Variants in FOXP2 observed in about 807,000 individuals in gnomAD.
FOXP2 encodes forkhead box protein P2.
In FOXP2, 12 loss-of-function variants were observed where a neutral mutation model predicts 115.8. The ratio of observed to expected loss-of-function variants is 0.10; its 90% CI spans 0.07 to 0.17. The LOEUF (loss-of-function observed/expected upper bound fraction) is 0.17, where lower values mean the gene tolerates loss of function less well. Ranked by LOEUF, FOXP2 falls within the 10% of genes least tolerant of loss-of-function variation. The probability of loss-of-function intolerance (pLI) is 1.00; values close to 1 mark genes in which losing one functional copy is unlikely to be tolerated. For synonymous variants in FOXP2, 328 were observed against 297.7 expected (o/e 1.10, Z -1.05); for missense variants, 629 against 843.5 (o/e 0.75, Z 3.15).
At chr7:114,602,547 T>C (rs1028241591) in intron 3 of FOXP2, among the ~76,000 whole-genome samples, 1 of 152,062 alleles carries the variant, frequency 6.6e-6, no homozygotes. Context: ...CAGTTTTCTG[T>C]GGTTTATTAT....
rs562892862 is a variant in FOXP2, at chr7:114,133,214, A to T, written c.-246-29730A>T. 2.0e-5 allele frequency among the ~76,000 whole-genome samples: 3 copies of T among 152,304 alleles called. No homozygotes were observed. In the East Asian group the frequency reaches 5.8e-4, roughly 29 times the overall value. On this transcript the variant is annotated intron_variant, in intron 1 of 19. Coordinates refer to the FOXP2 transcript ENST00000635638. The stretch of plus-strand genomic sequence containing the variant: ...GGTAAGGAGGACTTAGGGGTTTTGA[A>T]CTGAAAACTGGCAGGATAATACTTC...
intron 2 of FOXP2, among the ~76,000 whole-genome samples, chr7:114,352,591 T>G (rs1791519787): frequency 6.6e-6 from 1 of 152,194 alleles, no homozygotes; most frequent in African/African-American, 2.4e-5. Flanking sequence ...TAGAAGCCCT[T>G]GATTAAAGTG....
intron 2 of FOXP2, among the ~76,000 whole-genome samples, chr7:114,507,137 A>G (rs1300358223): frequency 6.6e-6 from 1 of 151,768 alleles, no homozygotes; most frequent in Non-Finnish European, 1.5e-5. Flanking sequence ...ATTCTTCTGA[A>G]ATTAGATTCT....
chr7:114,470,452 G>A (rs1795996472), intron 2 of FOXP2, among the ~76,000 whole-genome samples: 1 of 152,034 alleles, frequency 6.6e-6, no homozygotes, highest in Non-Finnish European at 1.5e-5. Flanking sequence ...ATGATTATAT[G>A]TTATTTGTGT....
At chr7:114,305,013 A>G (rs1401960372) in intron 2 of FOXP2, among the ~76,000 whole-genome samples, 1 of 152,182 alleles carries the variant, frequency 6.6e-6, no homozygotes, top group Non-Finnish European at 1.5e-5. Context: ...GTATTATTCT[A>G]GATCTTTTAA....
At chr7:114,190,539 A>G (rs1189327203) in intron 1 of FOXP2, among the ~76,000 whole-genome samples, 1 of 152,178 alleles carries the variant, frequency 6.6e-6, no homozygotes, top group Non-Finnish European at 1.5e-5. Context: ...CTGGGCCTTC[A>G]TCTTGCAGAT....
At chr7:114,346,114 TATG>T (rs1353064100) in intron 2 of FOXP2, among the ~76,000 whole-genome samples, 1 of 151,870 alleles carries the variant, frequency 6.6e-6, no homozygotes, top group Non-Finnish European at 1.5e-5. Flanking sequence ...TTTAAGCAAT[TATG>T]ATGTAGACAG....
At chr7:114,401,413 T>A (rs116106691) in intron 2 of FOXP2, among the ~76,000 whole-genome samples, 1 of 152,160 alleles carries the variant, frequency 6.6e-6, no homozygotes, top group Non-Finnish European at 1.5e-5. Context: ...ATAAAAGTTA[T>A]CTCCTACTTG....
At chr7:114,485,305 A>G (rs1384164080) in intron 2 of FOXP2, among the ~76,000 whole-genome samples, 1 of 152,028 alleles carries the variant, frequency 6.6e-6, no homozygotes, top group Non-Finnish European at 1.5e-5. Flanking sequence ...AATTGTAAGC[A>G]TAAAACTTCA....
intron 2 of FOXP2, among the ~76,000 whole-genome samples, chr7:114,309,195 A>G (rs1283286520): frequency 6.6e-6 from 1 of 152,168 alleles, no homozygotes; most frequent in East Asian, 1.9e-4. Context: ...TATAAAATAC[A>G]CTGGTTTCCT....
chr7:114,200,256 G>T (rs1296894439), intron 1 of FOXP2, among the ~76,000 whole-genome samples: 4 of 152,224 alleles, frequency 2.6e-5, no homozygotes, highest in African/African-American at 7.2e-5. Context: ...AGGAGAGGTT[G>T]CTGGCAGGAT....
At chr7:114,297,889 T>A (rs1248162188) in intron 2 of FOXP2, among the ~76,000 whole-genome samples, 1 of 152,208 alleles carries the variant, frequency 6.6e-6, no homozygotes, top group South Asian at 2.1e-4. Flanking sequence ...CCAATATTTT[T>A]AAAATAATGC....
At chr7:114,204,601 A>C (rs1221919523) in intron 1 of FOXP2, among the ~76,000 whole-genome samples, 1 of 152,210 alleles carries the variant, frequency 6.6e-6, no homozygotes, top group Non-Finnish European at 1.5e-5. Flanking sequence ...GTTGTAAAAC[A>C]AAACAAAACA....
intron 16 of FOXP2, among the ~76,000 whole-genome samples, chr7:114,685,981 TA>T (rs955554068): frequency 4.0e-5 from 6 of 148,722 alleles, no homozygotes; most frequent in Admixed American, 1.3e-4. Flanking sequence ...TTTTTTTTTT[TA>T]AAAAAAAAGC....
chr7:114,317,377 G>T (rs986089649), intron 2 of FOXP2, among the ~76,000 whole-genome samples: 6 of 152,216 alleles, frequency 3.9e-5, no homozygotes, highest in Non-Finnish European at 8.8e-5. Context: ...GGGATGGTAA[G>T]TGACACAGTG....
At chr7:114,643,683 T>A (rs1050812550) in intron 7 of FOXP2, among the ~76,000 whole-genome samples, 1 of 152,186 alleles carries the variant, frequency 6.6e-6, no homozygotes, top group African/African-American at 2.4e-5. Flanking sequence ...TCTAATCAAG[T>A]CCTTTAAAGT....
At chr7:114,366,022 C>A (rs1027525213) in intron 2 of FOXP2, among the ~76,000 whole-genome samples, 2 of 152,046 alleles carry the variant, frequency 1.3e-5, no homozygotes, top group Non-Finnish European at 2.9e-5. Flanking sequence ...ACAATACAAT[C>A]ATTTAAAAAT....
chr7:114,466,697 C>G (rs1171819951), intron 2 of FOXP2, among the ~76,000 whole-genome samples: 1 of 152,074 alleles, frequency 6.6e-6, no homozygotes, highest in East Asian at 1.9e-4. Flanking sequence ...TTTTGAAACT[C>G]CAGTCAGCTT....
intron 2 of FOXP2, among the ~76,000 whole-genome samples, chr7:114,293,163 G>A (rs1224107737): frequency 6.6e-6 from 1 of 152,136 alleles, no homozygotes; most frequent in African/African-American, 2.4e-5. Flanking sequence ...GTTGGCCTAT[G>A]TCATCAATAG....
Sources: gnomAD v4.1 joint callset for allele counts (sites outside exome capture counted in the v4.1 genomes callset) on GRCh38, gnomAD v4.1.1 for gene constraint, MANE v1.5 for transcripts, NCBI Gene and HGNC (gene_info 2026-07-23, HGNC 2026-07-21) for gene names.